The following MMP16 variants were observed in gnomAD, a reference collection of about 807,000 sequenced individuals.
MMP16 encodes matrix metalloproteinase-16.
A neutral mutation model predicts 67.8 loss-of-function variants in MMP16; 12 were observed. The ratio of observed to expected loss-of-function variants is 0.18; its 90% confidence interval spans 0.11 to 0.29. MMP16 has a LOEUF of 0.29. Ranked by LOEUF, MMP16 falls within the 10% of genes least tolerant of loss-of-function variation. The pLI is 1.00. For missense variants in MMP16, 475 were observed against 765.7 expected (o/e 0.62, Z 4.48); for synonymous variants, 249 against 255.9 (o/e 0.97, Z 0.26).
chr8:88,225,025 C>CT (rs1319592335), intron 1 of MMP16, among the ~76,000 whole-genome samples: 1 of 151,910 alleles, frequency 6.6e-6, no homozygotes, highest in Non-Finnish European at 1.5e-5. Flanking sequence ...TAAATCCTGA[C>CT]TAACACTTCA....
intron 1 of MMP16, among the ~76,000 whole-genome samples, chr8:88,223,531 T>C (rs1809719819): frequency 6.6e-6 from 1 of 151,992 alleles, no homozygotes; most frequent in South Asian, 2.1e-4. Flanking sequence ...GATGAGTTCA[T>C]GTCCTTTGCA....
At chr8:88,214,822 G>A (rs1370033998) in intron 1 of MMP16, among the ~76,000 whole-genome samples, 2 of 152,016 alleles carry the variant, frequency 1.3e-5, no homozygotes, top group Non-Finnish European at 2.9e-5. Context: ...CTCCTAACAT[G>A]TCCCCCATCT....
intron 1 of MMP16, among the ~76,000 whole-genome samples, chr8:88,219,870 T>C (rs779952393): frequency 1.2e-4 from 19 of 152,162 alleles, no homozygotes; most frequent in Non-Finnish European, 2.2e-4. Flanking sequence ...GCAGATATAT[T>C]CATCTTTTGA....
At chr8:88,087,001 T>C (rs1472867050) in intron 6 of MMP16, among the ~76,000 whole-genome samples, 1 of 151,830 alleles carries the variant, frequency 6.6e-6, no homozygotes, top group Non-Finnish European at 1.5e-5. Flanking sequence ...AGCAAATCTT[T>C]TGCTTGGCCA....
rs906246393 is a variant in MMP16 at position 88,311,878 on chromosome 8, C to T, written c.132+15197G>A. On this transcript the variant is annotated intron_variant, in intron 1 of 9. Coordinates refer to ENST00000286614, the MANE Select transcript of MMP16 (RefSeq NM_005941.5). ...TATAACATGTCAAGACCAGAGATAA[C>T]GAAGATTTAAAATAGGGTTGCAACC... Among the ~76,000 whole-genome samples, 55 of 151,830 alleles carry T rather than the reference C, an allele frequency of 3.6e-4. 1 individual carries two copies. Among genetic ancestry groups the T allele is most frequent in the African/African-American group, 1.3e-3 (52 of 41,292 alleles).
intron 6 of MMP16, among the ~76,000 whole-genome samples, chr8:88,097,927 C>G (rs1039698253): frequency 6.6e-6 from 1 of 151,866 alleles, no homozygotes; most frequent in Non-Finnish European, 1.5e-5. Context: ...TAAGGGCACA[C>G]TACTCCAGAT....
At chr8:88,196,133 G>T (rs1236261644) in intron 2 of MMP16, among the ~76,000 whole-genome samples, 1 of 152,152 alleles carries the variant, frequency 6.6e-6, no homozygotes, top group African/African-American at 2.4e-5. Context: ...CTACTCTGAA[G>T]TTCACTTAGC....
At chr8:88,117,038 G>A (rs1407885295) in intron 5 of MMP16, among the ~76,000 whole-genome samples, 3 of 151,762 alleles carry the variant, frequency 2.0e-5, no homozygotes, top group Non-Finnish European at 4.4e-5. Context: ...GGAAGTAGGT[G>A]GTATATAAAT....
At chr8:88,293,881 C>T (rs937270100) in intron 1 of MMP16, among the ~76,000 whole-genome samples, 1 of 151,960 alleles carries the variant, frequency 6.6e-6, no homozygotes, top group Non-Finnish European at 1.5e-5. Context: ...GTTTCATGAC[C>T]AACTACTGTG....
At chr8:88,215,302 A>G (rs1203871102) in intron 1 of MMP16, among the ~76,000 whole-genome samples, 1 of 151,968 alleles carries the variant, frequency 6.6e-6, no homozygotes, top group Non-Finnish European at 1.5e-5. Context: ...AGCCTGGGTG[A>G]CAGAGTGAGA....
intron 7 of MMP16, among the ~76,000 whole-genome samples, chr8:88,072,281 C>T (rs1288808169): frequency 1.3e-5 from 2 of 151,928 alleles, no homozygotes; most frequent in African/African-American, 4.8e-5. Context: ...TTCAGAAGCC[C>T]AGGGTGCTAG....
intron 1 of MMP16, among the ~76,000 whole-genome samples, chr8:88,290,609 ACTCTGT>A (rs1452714185): frequency 6.6e-6 from 1 of 152,014 alleles, no homozygotes; most frequent in Non-Finnish European, 1.5e-5. Flanking sequence ...ACTGGGTGTG[ACTCTGT>A]TGCCTAAGCT....
rs1809268887 is a variant in MMP16 at position 88,197,139 on chromosome 8, G to T, written c.281+19C>A. On this transcript the variant is annotated intron_variant, in intron 2 of 9. Transcript: ENST00000286614. ...GGCTCAAGGACCAAAAAGAAAGGAG[G>T]ATGGGAGCCATTACTTACTCAATTG... 1 of 1,605,120 alleles carries T rather than the reference G, an allele frequency of 6.2e-7. No individual in the cohort carries two copies. Among genetic ancestry groups the T allele is most frequent in the Non-Finnish European group, 8.5e-7 (1 of 1,177,386 alleles).
At chr8:88,188,273 A>G (rs1241078031) in intron 2 of MMP16, among the ~76,000 whole-genome samples, 4 of 152,200 alleles carry the variant, frequency 2.6e-5, no homozygotes, top group African/African-American at 9.6e-5. Flanking sequence ...ATGGGTATTA[A>G]TTATAGTCTC....
chr8:88,193,375 A>G (rs1239401233), intron 2 of MMP16, among the ~76,000 whole-genome samples: 1 of 152,140 alleles, frequency 6.6e-6, no homozygotes, highest in Admixed American at 6.6e-5. Context: ...CAAAACACAC[A>G]AAAAGAACTT....
intron 1 of MMP16, among the ~76,000 whole-genome samples, chr8:88,256,690 A>T (rs968301002): frequency 7.5e-4 from 112 of 148,954 alleles, no homozygotes; most frequent in African/African-American, 1.7e-3. Context: ...TCTCTCACAC[A>T]CACACACACA....
intron 1 of MMP16, among the ~76,000 whole-genome samples, chr8:88,280,035 C>T (rs1211941156): frequency 6.6e-6 from 1 of 152,154 alleles, no homozygotes; most frequent in East Asian, 1.9e-4. Flanking sequence ...ACATTTCCCT[C>T]CCTCCCACAT....
chr8:88,199,372 C>T (rs929758286), intron 1 of MMP16, among the ~76,000 whole-genome samples: 4 of 151,988 alleles, frequency 2.6e-5, no homozygotes, highest in African/African-American at 9.7e-5. Context: ...TTCTTTTACA[C>T]TGTCACTTAT....
At chr8:88,178,584 T>C (rs1302754423) in intron 3 of MMP16, among the ~76,000 whole-genome samples, 1 of 152,192 alleles carries the variant, frequency 6.6e-6, no homozygotes, top group African/African-American at 2.4e-5. Context: ...TGTTTATTGT[T>C]AAGATTTTTC....
Sources: gnomAD v4.1 joint callset for allele counts (sites outside exome capture counted in the v4.1 genomes callset) on GRCh38, gnomAD v4.1.1 for gene constraint, MANE v1.5 for transcripts, NCBI Gene and HGNC (gene_info 2026-07-23, HGNC 2026-07-21) for gene names.